The following SLCO5A1 variants were observed in gnomAD, a reference collection of about 807,000 sequenced individuals.
SLCO5A1 encodes organic anion transporter polypeptide-related protein 4.
SLCO5A1 carries 39 observed loss-of-function variants against 65.1 expected under a neutral mutation model. The ratio of observed to expected loss-of-function variants is 0.60; its 90% confidence interval spans 0.46 to 0.78. The LOEUF is 0.78. Ranked by LOEUF, SLCO5A1 falls within the 30% of genes least tolerant of loss-of-function variation. SLCO5A1 has a pLI of 0.00. For synonymous variants in SLCO5A1, 438 were observed against 415.7 expected (o/e 1.05, Z -0.65); for missense variants, 1,029 against 1,069.4 (o/e 0.96, Z 0.53).
At chr8:69,778,156 G>GC (rs1818639880) in intron 2 of SLCO5A1, among the ~76,000 whole-genome samples, 1 of 151,948 alleles carries the variant, frequency 6.6e-6, no homozygotes, top group South Asian at 2.1e-4. Flanking sequence ...GAGGTTTTAG[G>GC]CATGCATCAA....
intron 6 of SLCO5A1, among the ~76,000 whole-genome samples, chr8:69,685,196 G>A (rs1444356064): frequency 6.6e-6 from 1 of 152,182 alleles, no homozygotes; most frequent in Non-Finnish European, 1.5e-5. Flanking sequence ...AGCTGCTGAC[G>A]TGGTTCATCC....
intron 4 of SLCO5A1, among the ~76,000 whole-genome samples, chr8:69,744,742 A>G (rs186445292): frequency 1.5e-4 from 23 of 152,370 alleles, no homozygotes; most frequent in Non-Finnish European, 1.9e-4. Flanking sequence ...TACTAAAGCA[A>G]TAGCCATATA....
At chr8:69,827,734 C>T (rs545499927) in intron 2 of SLCO5A1, among the ~76,000 whole-genome samples, 2 of 152,182 alleles carry the variant, frequency 1.3e-5, no homozygotes, top group South Asian at 2.1e-4. Flanking sequence ...CATTTTAATT[C>T]GTTATTTATT....
chr8:69,774,726 C>A (rs553615328), intron 2 of SLCO5A1, among the ~76,000 whole-genome samples: 2 of 152,314 alleles, frequency 1.3e-5, no homozygotes, highest in Non-Finnish European at 2.9e-5. Context: ...ATGCCTAAGT[C>A]CTCAAATGAC....
intron 2 of SLCO5A1, among the ~76,000 whole-genome samples, chr8:69,789,647 G>T (rs894092473): frequency 6.6e-6 from 1 of 152,096 alleles, no homozygotes; most frequent in African/African-American, 2.4e-5. Flanking sequence ...AAATTATATT[G>T]TATGTCAGGG....
At chr8:69,729,647 C>A (rs1450186921) in intron 5 of SLCO5A1, among the ~76,000 whole-genome samples, 1 of 151,852 alleles carries the variant, frequency 6.6e-6, no homozygotes, top group African/African-American at 2.4e-5. Flanking sequence ...ACTGGCCAAA[C>A]AAGAAGCTGG....
intron 9 of SLCO5A1, 23 bp from the exon 10 acceptor site, chr8:69,673,349 A>C (rs1389752614): frequency 7.6e-6 from 12 of 1,586,610 alleles, no homozygotes; most frequent in African/African-American, 4.1e-5. Context: ...AGAAGAAGAA[A>C]ATACGAAGAC....
intron 6 of SLCO5A1, among the ~76,000 whole-genome samples, chr8:69,694,146 G>C (rs535484453): frequency 1.1e-4 from 17 of 152,312 alleles, no homozygotes; most frequent in African/African-American, 4.1e-4. Context: ...GCATGCAGGT[G>C]CGTACGTGCA....
rs1256828928 is a variant in SLCO5A1 at position 69,832,440 on chromosome 8, C to T, written c.234G>A (p.Pro78=). The T allele has an allele frequency of 6.2e-7, 1 of 1,612,902 alleles. No homozygotes were observed. Among genetic ancestry groups the T allele is most frequent in the Admixed American group, 1.7e-5 (1 of 59,778 alleles). The change falls in exon 2 of 10, where the codon CCG becomes CCA. Residue 78 remains proline (P), a synonymous_variant. Transcript: ENST00000260126. The surrounding 1 kb of genome is among the most constrained non-coding windows in gnomAD (Gnocchi z 4.5). ...GHQELKQGPN[P]LAPSPSAPST... Reference sequence around the variant, plus strand: ...ACGGGGCAGAGGGACTGGGGGCCAACGGGTTCGGGCCTTGCTTCAACTCCT... The same window carrying T: ...ACGGGGCAGAGGGACTGGGGGCCAATGGGTTCGGGCCTTGCTTCAACTCCT...
intron 5 of SLCO5A1, among the ~76,000 whole-genome samples, chr8:69,711,561 G>A (rs1161859740): frequency 6.6e-6 from 1 of 152,226 alleles, no homozygotes; most frequent in Admixed American, 6.5e-5. Context: ...CGAGGCCCGA[G>A]GTGCCAGCCG....
At chr8:69,760,304 C>G (rs374114284) in intron 3 of SLCO5A1, among the ~76,000 whole-genome samples, 4 of 152,284 alleles carry the variant, frequency 2.6e-5, no homozygotes, top group Admixed American at 1.3e-4. Flanking sequence ...CTAATGCTGA[C>G]AGGGGAACTC....
chr8:69,806,929 C>A (rs559749384), intron 2 of SLCO5A1, among the ~76,000 whole-genome samples: 17 of 152,312 alleles, frequency 1.1e-4, no homozygotes, highest in African/African-American at 3.8e-4. Flanking sequence ...AAGCAATTTA[C>A]AGATTCAATG....
chr8:69,782,313 G>A (rs116882293), intron 2 of SLCO5A1, among the ~76,000 whole-genome samples: 321 of 152,068 alleles, frequency 2.1e-3, no homozygotes, highest in East Asian at 8.7e-3. Context: ...CTAGCACAGC[G>A]GCTCACACCT....
rs148790406 is a variant in SLCO5A1, at chr8:69,815,692, A to G, written c.907+16075T>C. Among the ~76,000 whole-genome samples the G allele has an allele frequency of 4.0e-3, 597 of 151,044 alleles. 1 individual carries two copies. Among genetic ancestry groups the G allele is most frequent in the Non-Finnish European group, 6.2e-3 (420 of 67,622 alleles). ...CACACACACACACACACACACACAA[A>G]ATTACATCATTCCCTCTTCAAGGAT... On this transcript the variant is annotated intron_variant, in intron 2 of 9. Coordinates refer to ENST00000260126, the MANE Select transcript of SLCO5A1 (RefSeq NM_030958.3).
At chr8:69,782,843 T>C (rs1818856474) in intron 2 of SLCO5A1, among the ~76,000 whole-genome samples, 2 of 152,160 alleles carry the variant, frequency 1.3e-5, no homozygotes, top group East Asian at 3.9e-4. Flanking sequence ...ATTTTTAAAG[T>C]AATATTCAGT....
At chr8:69,689,324 C>A (rs1235074030) in intron 6 of SLCO5A1, among the ~76,000 whole-genome samples, 2 of 101,640 alleles carry the variant, frequency 2.0e-5, no homozygotes, top group Non-Finnish European at 3.8e-5. Context: ...TTTTGCTGTG[C>A]AGAAGCTCTT....
intron 2 of SLCO5A1, among the ~76,000 whole-genome samples, chr8:69,825,809 C>A (rs1820862728): frequency 6.6e-6 from 1 of 152,082 alleles, no homozygotes. Flanking sequence ...CAAAAAAGAG[C>A]CCACATTGCC....
chr8:69,795,683 T>C (rs925732275), intron 2 of SLCO5A1, among the ~76,000 whole-genome samples: 6 of 152,204 alleles, frequency 3.9e-5, no homozygotes, highest in Admixed American at 2.6e-4. Flanking sequence ...TGGAGGATGG[T>C]GGCCCTCTTC....
intron 5 of SLCO5A1, among the ~76,000 whole-genome samples, chr8:69,709,499 T>C (rs567902568): frequency 1.3e-5 from 2 of 152,344 alleles, no homozygotes; most frequent in African/African-American, 4.8e-5. Context: ...TTTTCCATTA[T>C]TCTGTAAACA....
Sources: gnomAD v4.1 joint callset for allele counts (sites outside exome capture counted in the v4.1 genomes callset) on GRCh38, gnomAD v4.1.1 for gene constraint, Gnocchi (gnomAD v3.1) non-coding constraint, MANE v1.5 for transcripts, NCBI Gene and HGNC (gene_info 2026-07-23, HGNC 2026-07-21) for gene names.